The following CACNG4 variants were observed in gnomAD, a reference collection of about 807,000 sequenced individuals.
The protein encoded by CACNG4 is voltage-dependent calcium channel gamma-4 subunit.
Under a neutral mutation model 22.9 loss-of-function variants are expected in CACNG4, and 8 were observed. The observed-to-expected ratio is 0.35, with a 90% CI of 0.21 to 0.63. The LOEUF is 0.63. CACNG4 is among the 30% of genes least tolerant of loss of function. The pLI is 0.72. For missense variants in CACNG4, 357 were observed against 455.4 expected, an observed-to-expected ratio of 0.78 and a Z score of 1.97; for synonymous variants, 188 against 191.9, an observed-to-expected ratio of 0.98 and a Z score of 0.17.
intron 1 of CACNG4, among the ~76,000 whole-genome samples, chr17:67,013,676 G>A (rs2035480317): frequency 6.6e-6 from 1 of 152,044 alleles, no homozygotes; most frequent in Non-Finnish European, 1.5e-5. Flanking sequence ...TTAGTGGCAT[G>A]CACCTGTAGT....
intron 1 of CACNG4, among the ~76,000 whole-genome samples, chr17:66,992,819 G>T (rs151012878): frequency 2.6e-5 from 4 of 152,258 alleles, no homozygotes; most frequent in Non-Finnish European, 2.9e-5. Flanking sequence ...ACTTGTGATT[G>T]TGTGTTATTT....
chr17:67,028,220 G>A (rs1056162921), intron 3 of CACNG4, among the ~76,000 whole-genome samples: 5 of 152,158 alleles, frequency 3.3e-5, no homozygotes, highest in African/African-American at 1.2e-4. Context: ...GACAGAGGAC[G>A]TGGACGGTGC....
intron 1 of CACNG4, among the ~76,000 whole-genome samples, chr17:66,996,976 G>A (rs1351091340): frequency 1.3e-5 from 2 of 152,104 alleles, no homozygotes; most frequent in East Asian, 1.9e-4. Flanking sequence ...AAGATGGTTC[G>A]AAACAGCATG....
intron 1 of CACNG4, among the ~76,000 whole-genome samples, chr17:67,011,491 C>T (rs2035467688): frequency 6.6e-6 from 1 of 152,168 alleles, no homozygotes; most frequent in Admixed American, 6.5e-5. Flanking sequence ...TTTATTTTAT[C>T]TTCTTGTGTC....
At chr17:66,974,504 A>G (rs950827022) in intron 1 of CACNG4, among the ~76,000 whole-genome samples, 12 of 152,004 alleles carry the variant, frequency 7.9e-5, no homozygotes, top group African/African-American at 2.9e-4. Context: ...AGGTTAGGTG[A>G]CCTCTCTGAG....
intron 1 of CACNG4, among the ~76,000 whole-genome samples, chr17:66,972,561 A>G (rs2035211171): frequency 6.6e-6 from 1 of 152,182 alleles, no homozygotes; most frequent in African/African-American, 2.4e-5. Flanking sequence ...TTAGGGTTGC[A>G]GGGACAAAGG....
intron 1 of CACNG4, among the ~76,000 whole-genome samples, chr17:67,011,201 A>C (rs1189644743): frequency 6.6e-6 from 1 of 152,168 alleles, no homozygotes; most frequent in Non-Finnish European, 1.5e-5. Context: ...GTGTGGCCTC[A>C]GTAGGTGTTT....
chr17:66,999,726 C>A (rs3785588), intron 1 of CACNG4, among the ~76,000 whole-genome samples: 21 of 152,062 alleles, frequency 1.4e-4, no homozygotes, highest in Non-Finnish European at 1.0e-4. Flanking sequence ...CCATCAATAC[C>A]TGGGGATTAC....
chr17:67,017,966 C>T (rs1208687709), intron 1 of CACNG4, among the ~76,000 whole-genome samples: 1 of 152,080 alleles, frequency 6.6e-6, no homozygotes, highest in Non-Finnish European at 1.5e-5. Context: ...CACCCTTGGA[C>T]CATAACTAGG....
In CACNG4 at chr17:67,033,077, G is replaced by C. The variant is rs182185420; in HGVS notation, c.*2073G>C. 4.6e-5 allele frequency: 7 copies of C among 152,908 alleles called. 1 individual carries two copies. The highest frequency in any genetic ancestry group is 3.9e-4 in the Admixed American group (6 of 15,304). The allele number at this position is 152,908 out of a possible 1,614,324, so 9.5% of individuals were successfully genotyped here. ...CAGGGCCCACCTAGGGACCAAGAAA[G>C]AGTAGGAAGAAGGGGACGAGCCGGG... is the stretch of plus-strand genomic sequence containing the variant. On this transcript the variant is annotated 3_prime_UTR_variant, in exon 4 of 4. Coordinates refer to ENST00000262138, the MANE Select transcript of CACNG4 (RefSeq NM_014405.4).
chr17:67,024,784 A>G, intron 2 of CACNG4, 76 bp from the exon 3 acceptor site: 2 of 1,382,736 alleles, frequency 1.4e-6, no homozygotes, highest in South Asian at 3.4e-5. Flanking sequence ...GGTTCCTGGG[A>G]GACATACGCA....
chr17:67,026,997 C>G (rs2035571996), intron 3 of CACNG4, among the ~76,000 whole-genome samples: 1 of 152,092 alleles, frequency 6.6e-6, no homozygotes, highest in African/African-American at 2.4e-5. Context: ...GCTGTGACCC[C>G]TCAACACTGC....
rs1169488392 is a variant in CACNG4 at position 67,031,487 on chromosome 17, C to T, written c.*483C>T. 8.7e-6 allele frequency: 4 copies of T among 457,672 alleles called. No homozygotes were observed. Among genetic ancestry groups the T allele is most frequent in the Admixed American group, 4.7e-5 (2 of 42,564 alleles). 28.4% of individuals were successfully genotyped at this position (457,672 alleles called of 1,614,324 possible). ...GCTTTTGAACCTGAGGTTCCTGCGT[C>T]GTTGAGCCAGAAATCAGACCACCGA... is the stretch of plus-strand genomic sequence containing the variant. On this transcript the variant is annotated 3_prime_UTR_variant, in exon 4 of 4. Coordinates refer to ENST00000262138, the MANE Select transcript of CACNG4 (RefSeq NM_014405.4). The surrounding 1 kb of genome is among the most constrained non-coding windows in gnomAD (Gnocchi z 4.0).
rs547316508 is a variant in CACNG4, at chr17:66,989,952, A to G, written c.220+24821A>G. 2.7e-5 allele frequency among the ~76,000 whole-genome samples: 4 copies of G among 145,708 alleles called. No individual in the cohort carries two copies. The South Asian group carries it at 8.3e-4, about 30-fold the overall frequency. On this transcript the variant is annotated intron_variant, in intron 1 of 3. Coordinates refer to ENST00000262138, the MANE Select transcript of CACNG4 (RefSeq NM_014405.4). ...GGCTGGACTGGGGTCCTGAAGGCAAAATGAGCGACTTTGGGTGAAAAATAC... is the reference window on the plus strand; with the variant it reads ...GGCTGGACTGGGGTCCTGAAGGCAAGATGAGCGACTTTGGGTGAAAAATAC...
intron 2 of CACNG4, among the ~76,000 whole-genome samples, chr17:67,021,896 T>C (rs2143362741): frequency 6.6e-6 from 1 of 152,246 alleles, no homozygotes; most frequent in African/African-American, 2.4e-5. Context: ...CTCCACCCCT[T>C]AGCCACCTGC....
At chr17:67,020,599 G>T (rs2035526071) in intron 2 of CACNG4, among the ~76,000 whole-genome samples, 2 of 152,246 alleles carry the variant, frequency 1.3e-5, no homozygotes. Context: ...GGTGGCTGCA[G>T]AAACAGGGAT....
intron 1 of CACNG4, among the ~76,000 whole-genome samples, chr17:67,008,962 T>A (rs2035452775): frequency 6.6e-6 from 1 of 151,706 alleles, no homozygotes; most frequent in Admixed American, 6.6e-5. Context: ...AAGAAAAAAA[T>A]GAGGCCTTTA....
At chr17:66,997,958 G>C (rs2035385408) in intron 1 of CACNG4, among the ~76,000 whole-genome samples, 2 of 152,152 alleles carry the variant, frequency 1.3e-5, no homozygotes, top group Non-Finnish European at 2.9e-5. Context: ...GAGAGAGACT[G>C]GAAAGGACCA....
At chr17:67,004,563 G>T (rs2035426560) in intron 1 of CACNG4, among the ~76,000 whole-genome samples, 1 of 152,150 alleles carries the variant, frequency 6.6e-6, no homozygotes, top group Non-Finnish European at 1.5e-5. Flanking sequence ...GTCTTAGAAA[G>T]TGTTGCAGAC....
Sources: gnomAD v4.1 joint callset for allele counts (sites outside exome capture counted in the v4.1 genomes callset) on GRCh38, gnomAD v4.1.1 for gene constraint, Gnocchi (gnomAD v3.1) non-coding constraint, MANE v1.5 for transcripts, NCBI Gene and HGNC (gene_info 2026-07-23, HGNC 2026-07-21) for gene names.